The following KDM2B variants were observed in gnomAD, a reference collection of about 807,000 sequenced individuals.
KDM2B encodes the protein lysine demethylase 2B, also known as lysine-specific demethylase 2B.
KDM2B carries 26 observed loss-of-function variants against 150.0 expected under a neutral mutation model. The ratio of observed to expected loss-of-function variants is 0.17; its 90% CI spans 0.13 to 0.24. KDM2B has a LOEUF of 0.24. KDM2B is among the 10% of genes least tolerant of loss of function. KDM2B has a pLI of 1.00. For synonymous variants in KDM2B, 734 were observed against 729.5 expected, an observed-to-expected ratio of 1.01 and a Z score of -0.10; for missense variants, 1,265 against 1,816.9, an observed-to-expected ratio of 0.70 and a Z score of 5.52.
At chr12:121,552,749 G>A (rs1471519094) in intron 4 of KDM2B, among the ~76,000 whole-genome samples, 3 of 151,948 alleles carry the variant, frequency 2.0e-5, no homozygotes, top group Admixed American at 2.0e-4. Flanking sequence ...AGGAAGCAGT[G>A]GATCCAGGGG....
At chr12:121,414,458 G>T in the KDM2B span, among the ~76,000 whole-genome samples, 1 of 152,080 alleles carries the variant, frequency 6.6e-6, no homozygotes. Context: ...AAAGGAGACA[G>T]GTTACTCTGG....
chr12:121,508,626 G>A (rs1266739734), intron 11 of KDM2B, among the ~76,000 whole-genome samples: 1 of 152,168 alleles, frequency 6.6e-6, no homozygotes, highest in Admixed American at 6.5e-5. Context: ...GCTGAGACAA[G>A]AGGCAGTTCC....
At chr12:121,529,619 C>CTG (rs1273908993) in intron 8 of KDM2B, among the ~76,000 whole-genome samples, 4 of 151,962 alleles carry the variant, frequency 2.6e-5, no homozygotes, top group South Asian at 4.2e-4. Context: ...ATCCCCAGGC[C>CTG]TGGGGAGGAC....
chr12:121,409,214 A>G, the KDM2B span, among the ~76,000 whole-genome samples: 1 of 152,188 alleles, frequency 6.6e-6, no homozygotes, highest in African/African-American at 2.4e-5. Context: ...TCCTGTCCTC[A>G]GGTGACCTGC....
intron 4 of KDM2B, among the ~76,000 whole-genome samples, chr12:121,572,203 A>G (rs1318846416): frequency 1.3e-5 from 2 of 152,188 alleles, no homozygotes; most frequent in Non-Finnish European, 1.5e-5. Context: ...TCTCTAAAAC[A>G]TATAAATAAA....
intron 2 of KDM2B, 21 bp downstream of exon 2, chr12:121,578,780 GC>G: frequency 6.7e-7 from 1 of 1,499,540 alleles, no homozygotes; most frequent in East Asian, 2.5e-5. Context: ...GCAGAGGGCG[GC>G]CCGGGGTGGG....
the KDM2B span, chr12:121,416,483 A>G: frequency 3.7e-6 from 3 of 819,652 alleles, no homozygotes; most frequent in Non-Finnish European, 6.0e-6. Flanking sequence ...TAAAAATATC[A>G]AAAGCTTAGT....
At chr12:121,425,861 G>C (rs1163210456), downstream of KDM2B, among the ~76,000 whole-genome samples, 1 of 151,660 alleles carries the variant, frequency 6.6e-6, no homozygotes, top group Non-Finnish European at 1.5e-5. Context: ...CCACCTCCTG[G>C]GTTCATGCCA....
intron 6 of KDM2B, among the ~76,000 whole-genome samples, chr12:121,546,542 C>G (rs1889065797): frequency 6.6e-6 from 1 of 151,356 alleles, no homozygotes; most frequent in Non-Finnish European, 1.5e-5. Context: ...GCCACCATGC[C>G]CGGCTAATTT....
downstream of KDM2B, among the ~76,000 whole-genome samples, chr12:121,428,724 C>CTGG (rs1349949713): frequency 5.9e-5 from 9 of 152,340 alleles, no homozygotes; most frequent in Non-Finnish European, 1.2e-4. Flanking sequence ...TTACTTCTCA[C>CTGG]TGGTTTCTGC....
chr12:121,482,999 C>T (rs782166600), intron 12 of KDM2B, among the ~76,000 whole-genome samples: 1 of 151,886 alleles, frequency 6.6e-6, no homozygotes, highest in Non-Finnish European at 1.5e-5. Context: ...CCTGCCTCCA[C>T]TAAAAATACA....
In KDM2B at chr12:121,574,323, C is replaced by A. The variant is rs1594162338; in HGVS notation, c.397+224G>T. On this transcript the variant is annotated intron_variant, in intron 4 of 22. Coordinates refer to ENST00000377071, the MANE Select transcript of KDM2B (RefSeq NM_032590.5). The stretch of plus-strand genomic sequence containing the variant: ...CTGGAGGCAGCGTCCAAATGGGCCT[C>A]ATAAAACTGTGTACCGGCAAACGCC... The A allele has an allele frequency of 1.2e-5, 6 of 484,964 alleles. No individual in the cohort carries two copies. The East Asian group carries it at 2.2e-4, about 18-fold the overall frequency. 30.0% of individuals were successfully genotyped at this position (484,964 alleles called of 1,614,324 possible). A position where few individuals can be genotyped will look rare whatever the true frequency, so the allele number is the denominator to read the frequency against.
intron 4 of KDM2B, among the ~76,000 whole-genome samples, chr12:121,563,476 G>A (rs1184079116): frequency 3.3e-5 from 5 of 151,504 alleles, no homozygotes; most frequent in African/African-American, 1.2e-4. Flanking sequence ...GCGTGGCGGC[G>A]GCTGCCCGTA....
At chr12:121,542,392 C>T (rs782300664) in intron 6 of KDM2B, among the ~76,000 whole-genome samples, 1 of 152,198 alleles carries the variant, frequency 6.6e-6, no homozygotes, top group Admixed American at 6.6e-5. Context: ...CACTCCACCC[C>T]CCTTGGCCTC....
chr12:121,514,498 G>C (rs140080679), intron 9 of KDM2B, among the ~76,000 whole-genome samples: 1 of 151,808 alleles, frequency 6.6e-6, no homozygotes, highest in East Asian at 1.9e-4. Flanking sequence ...CCCAACACAA[G>C]GATGGAAAGA....
In KDM2B at chr12:121,486,534, C is replaced by A. The variant is rs996092419; in HGVS notation, c.1734+8045G>T. 9.9e-5 allele frequency among the ~76,000 whole-genome samples: 15 copies of A among 151,446 alleles called. No individual in the cohort carries two copies. The South Asian group carries it at 1.1e-3, about 11-fold the overall frequency. ...GGGTGCAGTGGCTCACTCTTGTAATCCCCACACTTTGAAATACCAAGGCAG... is the reference window on the plus strand; with the variant it reads ...GGGTGCAGTGGCTCACTCTTGTAATACCCACACTTTGAAATACCAAGGCAG... On this transcript the variant is annotated intron_variant, in intron 12 of 22. Coordinates refer to ENST00000377071, the MANE Select transcript of KDM2B (RefSeq NM_032590.5).
Position 121,580,148 on chromosome 12 carries a change from AAAAT to A in KDM2B, c.126+634_126+637del, listed in dbSNP as rs1555317684. 8 of 1,565,372 alleles carry A rather than the reference AAAAT, an allele frequency of 5.1e-6. No homozygotes were observed. In the African/African-American group the frequency reaches 5.6e-5, roughly 11 times the overall value. ...GGGAAGACCAAAGAAAACAAACCAAAAAATAAATAAATAAAGCAAGCCAGAGCCG... is the reference window on the plus strand; with the variant it reads ...GGGAAGACCAAAGAAAACAAACCAAAAAATAAATAAAGCAAGCCAGAGCCG... On this transcript the variant is annotated intron_variant, in intron 1 of 22. Coordinates refer to ENST00000377071, the MANE Select transcript of KDM2B (RefSeq NM_032590.5).
At chr12:121,535,009 C>T (rs1185779023) in intron 6 of KDM2B, among the ~76,000 whole-genome samples, 4 of 152,116 alleles carry the variant, frequency 2.6e-5, no homozygotes, top group Non-Finnish European at 2.9e-5. Flanking sequence ...TTTGTAGCAG[C>T]TGGGCCCCCT....
chr12:121,439,851 A>T lies in KDM2B; in HGVS notation c.3829+6T>A, dbSNP rs1874683368. On this transcript the variant is annotated splice_donor_region_variant and intron_variant, in intron 22 of 22. Transcript: ENST00000377071. ...TAGGCAGACCCGATGGGGGCCCCTG[A>T]CTCACCAGACAGGTTGATCTCGGTT... is the stretch of plus-strand genomic sequence containing the variant. The T allele has an allele frequency of 1.9e-6, 3 of 1,612,400 alleles. No homozygotes were observed. The highest frequency in any genetic ancestry group is 2.5e-6 in the Non-Finnish European group (3 of 1,178,626).
Sources: gnomAD v4.1 joint callset for allele counts (sites outside exome capture counted in the v4.1 genomes callset) on GRCh38, gnomAD v4.1.1 for gene constraint, MANE v1.5 for transcripts, NCBI Gene and HGNC (gene_info 2026-07-23, HGNC 2026-07-21) for gene names.